Variants in SH2D3A observed in about 807,000 individuals in gnomAD.
SH2D3A encodes the protein SH2 domain-containing protein 3A.
In SH2D3A, 46 loss-of-function variants were observed where a neutral mutation model predicts 50.6. That is an observed-to-expected ratio of 0.91 (90% CI 0.72 to 1.16). The LOEUF is 1.16. Ranked by LOEUF, SH2D3A falls within the 50% of genes most tolerant of loss-of-function variation. The pLI, the probability that SH2D3A is intolerant of heterozygous loss-of-function variation, is 0.00. For missense variants in SH2D3A, 783 were observed against 786.2 expected (o/e 1.00, Z 0.05); for synonymous variants, 377 against 348.4 (o/e 1.08, Z -0.91).
Position 6,755,033 on chromosome 19 carries a change from G to T in SH2D3A, c.779C>A (p.Ala260Asp), listed in dbSNP as rs1226240576. 15 of 1,613,966 alleles carry T rather than the reference G, an allele frequency of 9.3e-6. No homozygotes were observed. The highest frequency in any genetic ancestry group is 1.3e-5 in the Non-Finnish European group (15 of 1,180,000). Residue 260 changes from alanine to aspartate, a missense_variant, in exon 5 of 10, where the codon GCC becomes GAC. Ala to Asp is a moderately radical substitution (Grantham distance 126). Transcript: ENST00000245908. ...CPEPEAPWWEAEEDEEEENRC... is the reference protein window; with the variant it reads ...CPEPEAPWWEDEEDEEEENRC... Reference sequence around the variant, plus strand: ...ATTCTCTTCCTCCTCATCCTCCTCGGCCTCCCACCATGGGGCCTCTGGCTC... The same window carrying T: ...ATTCTCTTCCTCCTCATCCTCCTCGTCCTCCCACCATGGGGCCTCTGGCTC...
intron 1 of SH2D3A, 57 bp from the exon 2 acceptor site, chr19:6,763,873 T>A: frequency 4.5e-6 from 2 of 445,280 alleles, no homozygotes; most frequent in Non-Finnish European, 8.0e-6. Flanking sequence ...CCTTTCATCC[T>A]CTTCTTAATT....
In SH2D3A at chr19:6,752,506, G is replaced by A. The variant is rs1969369905; in HGVS notation, c.*87C>T. 11 of 1,258,140 alleles carry A rather than the reference G, an allele frequency of 8.7e-6. No individual in the cohort carries two copies. The East Asian group carries it at 3.0e-4, about 34-fold the overall frequency. 77.9% of individuals were successfully genotyped at this position (1,258,140 alleles called of 1,614,324 possible). ...CACAGGGCAGGATTCCACCTGAGGC[G>A]CGAGGAGCCTGGGACGACTCCTTTG... On this transcript the variant is annotated 3_prime_UTR_variant, in exon 10 of 10. Transcript: ENST00000245908.
In SH2D3A at chr19:6,755,253, C is replaced by T. The variant is rs374896032; in HGVS notation, c.559G>A (p.Ala187Thr). 16 of 1,529,532 alleles carry T rather than the reference C, an allele frequency of 1.0e-5. No homozygotes were observed. The highest frequency in any genetic ancestry group is 1.4e-5 in the Non-Finnish European group (16 of 1,138,570). 94.7% of individuals were successfully genotyped at this position (1,529,532 alleles called of 1,614,324 possible). A position where few individuals can be genotyped will look rare whatever the true frequency, so the allele number is the denominator to read the frequency against. The change falls in exon 5 of 10, where the codon GCC (alanine) becomes ACC (threonine). Residue 187 changes from alanine to threonine, a missense_variant. By Grantham distance (58) the Ala-to-Thr change is moderately conservative. Transcript: ENST00000245908. ...GCAACAGTTCCCAGGGGAGCAGGGG[C>T]CTTCAGCAACACCGGGTCACTGCTC... ...RTSSDPVLLK[A>T]PAPLGTVADS...
chr19:6,757,776 C>T (rs1055358655), intron 4 of SH2D3A: 2 of 152,192 alleles, frequency 1.3e-5, no homozygotes, highest in African/African-American at 4.8e-5. Context: ...GAAACCCCAT[C>T]TCCACTAAAA....
At chr19:6,753,348 G>A in intron 9 of SH2D3A, 108 bp downstream of exon 9, 1 of 1,400,040 alleles carries the variant, frequency 7.1e-7, no homozygotes, top group Middle Eastern at 2.2e-4. Context: ...GGGGCTCCGG[G>A]AGGCGTGGCG....
chr19:6,763,707 A>G lies in SH2D3A; in HGVS notation c.42T>C (p.Pro14=), dbSNP rs2305805. Residue 14 remains proline (P), a synonymous_variant, in exon 2 of 10, where the codon CCT becomes CCC. Coordinates refer to ENST00000245908, the MANE Select transcript of SH2D3A (RefSeq NM_005490.3). ...GGCGGGACAGGAGGCCGTGGTACCAAGGTTGGCCAGCAAGGTCTTCTCCAT... is the reference window on the plus strand; with the variant it reads ...GGCGGGACAGGAGGCCGTGGTACCAGGGTTGGCCAGCAAGGTCTTCTCCAT... ...PQDGEDLAGQ[P]WYHGLLSRQK... 0.23 allele frequency: 365,165 copies of G among 1,611,630 alleles called. 44,393 individuals are homozygous for G. Among genetic ancestry groups the G allele is most frequent in the African/African-American group, 0.43 (31,859 of 74,748 alleles).
At position 6,759,598 on chromosome 19, in the gene SH2D3A, C is replaced by CCCAGCG; in HGVS notation, c.486_491dup (p.Ala163_Gly164dup). The CCCAGCG allele has an allele frequency of 1.2e-6, 2 of 1,613,878 alleles. No individual in the cohort carries two copies. The highest frequency in any genetic ancestry group is 1.7e-6 in the Non-Finnish European group (2 of 1,179,804). ...GCCATTCTAGCAGACACTTACCCATCCCAGCGGGGTCTTCTCTTGACCGCC... is the reference window on the plus strand; with the variant it reads ...GCCATTCTAGCAGACACTTACCCATCCCAGCGCCAGCGGGGTCTTCTCTTGACCGCC... On this transcript the variant is annotated inframe_insertion, in exon 4 of 10. Transcript: ENST00000245908.
chr19:6,763,696 C>T lies in SH2D3A; in HGVS notation c.53G>A (p.Gly18Asp). The change falls in exon 2 of 10, where the codon GGC becomes GAC. Residue 18 changes from glycine (G) to aspartate (D), a missense_variant. Coordinates refer to ENST00000245908, the MANE Select transcript of SH2D3A (RefSeq NM_005490.3). Reference protein sequence around the residue: ...EDLAGQPWYHGLLSRQKAEAL... With the variant: ...EDLAGQPWYHDLLSRQKAEAL... ...GGGTGGTACCTGGCGGGACAGGAGG[C>T]CGTGGTACCAAGGTTGGCCAGCAAG... 1.9e-6 allele frequency: 3 copies of T among 1,612,420 alleles called. No individual in the cohort carries two copies. The Middle Eastern group carries it at 5.0e-4, about 270-fold the overall frequency.
At chr19:6,763,596 C>G in intron 2 of SH2D3A, 84 bp downstream of exon 2, 5 of 1,333,690 alleles carry the variant, frequency 3.7e-6, no homozygotes, top group Non-Finnish European at 5.3e-6. Context: ...GCACTAAGTC[C>G]CTCATCCAGG....
intron 1 of SH2D3A, among the ~76,000 whole-genome samples, chr19:6,765,197 T>A (rs2029928844): frequency 6.6e-6 from 1 of 151,792 alleles, no homozygotes; most frequent in South Asian, 2.1e-4. Flanking sequence ...GGCTAATTTT[T>A]AAATATATAT....
At position 6,753,559 on chromosome 19, in the gene SH2D3A, C is replaced by A; in HGVS notation, c.1467G>T (p.Pro489=). The A allele has an allele frequency of 1.3e-6, 2 of 1,575,040 alleles. No homozygotes were observed. Among genetic ancestry groups the A allele is most frequent in the Non-Finnish European group, 1.7e-6 (2 of 1,161,338 alleles). Residue 489 remains proline (P), a synonymous_variant, in exon 9 of 10, where the codon CCG becomes CCT. Coordinates refer to ENST00000245908, the MANE Select transcript of SH2D3A (RefSeq NM_005490.3). The part of the protein sequence containing the change: ...RLLEGEEVAG[P]LDESCERLLR... Reference sequence around the variant, plus strand: ...ACAGCCGCTCACAGCTCTCGTCCAGCGGCCCCGCGACTTCCTCGCCCTCCA... The same window carrying A: ...ACAGCCGCTCACAGCTCTCGTCCAGAGGCCCCGCGACTTCCTCGCCCTCCA...
Position 6,753,500 on chromosome 19 carries a change from C to G in SH2D3A, c.1526G>C (p.Arg509Pro), listed in dbSNP as rs751325311. The G allele has an allele frequency of 6.4e-7, 1 of 1,553,696 alleles. No homozygotes were observed. The highest frequency in any genetic ancestry group is 8.7e-7 in the Non-Finnish European group (1 of 1,149,024). ...CACCTTGCGGAATTTGGGTGCGTCC[C>G]GGACCATGTGACGCGCCCCGTGCAG... ...RTLHGARHMVRDAPKFRKVAA... is the reference protein window; with the variant it reads ...RTLHGARHMVPDAPKFRKVAA... Residue 509 changes from arginine to proline, a missense_variant, in exon 9 of 10, where the codon CGG (arginine) becomes CCG (proline). Physicochemically the swap from Arg to Pro is moderately radical, Grantham distance 103. Coordinates refer to ENST00000245908, the MANE Select transcript of SH2D3A (RefSeq NM_005490.3).
chr19:6,752,538 T>C lies in SH2D3A; in HGVS notation c.*55A>G. 1 of 1,454,578 alleles carries C rather than the reference T, an allele frequency of 6.9e-7. No homozygotes were observed. Among genetic ancestry groups the C allele is most frequent in the Non-Finnish European group, 9.1e-7 (1 of 1,094,628 alleles). The allele number at this position is 1,454,578 out of a possible 1,614,324, so 90.1% of individuals were successfully genotyped here. On this transcript the variant is annotated 3_prime_UTR_variant, in exon 10 of 10. Transcript: ENST00000245908. The stretch of plus-strand genomic sequence containing the variant: ...GCCTGGGACGACTCCTTTGGTCTCT[T>C]CTGGGGTTCGCAAAAACCTGGGGGT...
At chr19:6,765,036 C>A (rs1233894870) in intron 1 of SH2D3A, among the ~76,000 whole-genome samples, 1 of 151,646 alleles carries the variant, frequency 6.6e-6, no homozygotes, top group Non-Finnish European at 1.5e-5. Context: ...TGCCACCATG[C>A]CTGGCTAATT....
At chr19:6,764,116 G>A (rs924508114) in intron 1 of SH2D3A, 2 of 155,762 alleles carry the variant, frequency 1.3e-5, no homozygotes, top group African/African-American at 4.9e-5. Flanking sequence ...TAGAGACAGG[G>A]TTTCACTGTG....
In SH2D3A at chr19:6,754,385, C is replaced by T; in HGVS notation, c.1138G>A (p.Gly380Ser). 1 of 1,534,592 alleles carries T rather than the reference C, an allele frequency of 6.5e-7. No individual in the cohort carries two copies. The highest frequency in any genetic ancestry group is 8.7e-7 in the Non-Finnish European group (1 of 1,151,556). ...CGCTCCTCCAGCGGCCCCGAGCAGC[C>T]CAGCACCGCCAGCGCCCCGGCCAGC... ...LALAGALAVLGCSGPLEERAA... is the reference protein window; with the variant it reads ...LALAGALAVLSCSGPLEERAA... Residue 380 changes from glycine (G) to serine (S), a missense_variant, in exon 7 of 10, where the codon GGC becomes AGC. Transcript: ENST00000245908.
At chr19:6,753,718 G>A in intron 8 of SH2D3A, 77 bp from the exon 9 acceptor site, 1 of 1,372,844 alleles carries the variant, frequency 7.3e-7, no homozygotes, top group East Asian at 2.5e-5. Flanking sequence ...TAGGACAAAT[G>A]CAGGGGCGGG....
chr19:6,754,516 C>A (rs1969530803), intron 6 of SH2D3A, 91 bp from the exon 7 acceptor site: 2 of 1,573,484 alleles, frequency 1.3e-6, no homozygotes, highest in African/African-American at 2.7e-5. Flanking sequence ...GCCCCATCTC[C>A]CTTCTTCCCT....
In SH2D3A at chr19:6,759,648, G is replaced by T; in HGVS notation, c.442C>A (p.Gln148Lys). The T allele has an allele frequency of 6.2e-7, 1 of 1,613,878 alleles. No homozygotes were observed. Among genetic ancestry groups the T allele is most frequent in the Non-Finnish European group, 8.5e-7 (1 of 1,179,876 alleles). ...PLRARKWSNS[Q>K]PADLAHMGRS... ...CCCATATGTGCCAAATCTGCAGGCT[G>T]ACTGTTGCTCCACTTCCTTGCCCTG... Residue 148 changes from glutamine (Q) to lysine (K), a missense_variant, in exon 4 of 10, where the codon CAG (glutamine) becomes AAG (lysine). By Grantham distance (53) the Gln-to-Lys change is moderately conservative. Transcript: ENST00000245908.
Sources: allele counts gnomAD v4.1 joint callset (sites outside exome capture counted in the v4.1 genomes callset), GRCh38; gene constraint gnomAD v4.1.1; transcripts MANE v1.5; gene names NCBI Gene and HGNC (gene_info 2026-07-23, HGNC 2026-07-21).